Variants in GLIS3 observed in about 807,000 individuals in gnomAD.
The protein encoded by GLIS3 is zinc finger protein GLIS3.
In GLIS3, 53 loss-of-function variants were observed where a neutral mutation model predicts 78.6. That is an observed-to-expected ratio of 0.67 (90% CI 0.54 to 0.85). The LOEUF (loss-of-function observed/expected upper bound fraction) is 0.85. Ranked by LOEUF, GLIS3 falls within the 40% of genes least tolerant of loss-of-function variation. The pLI is 0.00. For synonymous variants in GLIS3, 684 were observed against 509.9 expected, an observed-to-expected ratio of 1.34 and a Z score of -4.60; for missense variants, 1,703 against 1,231.1, an observed-to-expected ratio of 1.38 and a Z score of -5.74.
intron 4 of GLIS3, among the ~76,000 whole-genome samples, chr9:4,027,909 G>A (rs1001750): frequency 0.13 from 19,749 of 152,116 alleles, 2,935 homozygotes; most frequent in African/African-American, 0.36. Flanking sequence ...GCTTTGTCCA[G>A]CTGAAGGCCA....
intron 2 of GLIS3, among the ~76,000 whole-genome samples, chr9:4,321,462 A>AAAAAAC (rs1183384954): frequency 7.2e-6 from 1 of 138,776 alleles, no homozygotes; most frequent in Non-Finnish European, 1.6e-5. Context: ...AAAAAAAAAA[A>AAAAAAC]ATCAGGTGCC....
At chr9:3,966,446 T>TTTTTTC (rs71497512) in intron 4 of GLIS3, among the ~76,000 whole-genome samples, 1 of 152,096 alleles carries the variant, frequency 6.6e-6, no homozygotes, top group Non-Finnish European at 1.5e-5. Context: ...CTTTTTTTTT[T>TTTTTTC]CAGATAATGC....
the GLIS3 span, among the ~76,000 whole-genome samples, chr9:4,387,137 A>C: frequency 1.3e-5 from 2 of 152,208 alleles, no homozygotes; most frequent in Middle Eastern, 3.2e-3. Context: ...ACGCTGTCAG[A>C]AATGTTTGTT....
At chr9:4,080,411 T>G (rs1469410389) in intron 4 of GLIS3, among the ~76,000 whole-genome samples, 1 of 152,102 alleles carries the variant, frequency 6.6e-6, no homozygotes, top group Non-Finnish European at 1.5e-5. Context: ...GATGCAGTAT[T>G]TAAAATAATC....
chr9:4,412,083 C>A, the GLIS3 span, among the ~76,000 whole-genome samples: 1 of 152,176 alleles, frequency 6.6e-6, no homozygotes, highest in Admixed American at 6.5e-5. Context: ...CATCTCTGTC[C>A]TCAGTGAGTT....
At chr9:3,997,817 T>C (rs998314229) in intron 4 of GLIS3, among the ~76,000 whole-genome samples, 2 of 152,122 alleles carry the variant, frequency 1.3e-5, no homozygotes, top group African/African-American at 4.8e-5. Context: ...GCTATGAGCA[T>C]TTCTATTCAG....
chr9:4,207,379 G>T (rs1586978339), intron 2 of GLIS3, among the ~76,000 whole-genome samples: 1 of 152,166 alleles, frequency 6.6e-6, no homozygotes, highest in Non-Finnish European at 1.5e-5. Flanking sequence ...ATAATCGCTG[G>T]TGATTTATGC....
chr9:4,006,320 A>C (rs913609636), intron 4 of GLIS3, among the ~76,000 whole-genome samples: 1 of 151,660 alleles, frequency 6.6e-6, no homozygotes, highest in Non-Finnish European at 1.5e-5. Context: ...AAAAAAAAAA[A>C]AAAAAAAAAC....
chr9:4,393,538 G>A, the GLIS3 span, among the ~76,000 whole-genome samples: 15 of 152,114 alleles, frequency 9.9e-5, no homozygotes, highest in East Asian at 2.3e-3. Flanking sequence ...ATCCCGTATC[G>A]CATTAGTTGT....
chr9:3,869,266 GGT>G (rs58818313), intron 8 of GLIS3, among the ~76,000 whole-genome samples: 6,237 of 151,212 alleles, frequency 0.041, 428 homozygotes, highest in African/African-American at 0.14. Flanking sequence ...AATTATCTAG[GGT>G]GTGTGTGTGT....
At chr9:4,076,152 T>C (rs1343840509) in intron 4 of GLIS3, among the ~76,000 whole-genome samples, 1 of 152,218 alleles carries the variant, frequency 6.6e-6, no homozygotes, top group Non-Finnish European at 1.5e-5. Flanking sequence ...AACAAGTTGA[T>C]TAAACAATAC....
chr9:4,359,409 G>A, the GLIS3 span, among the ~76,000 whole-genome samples: 1 of 152,152 alleles, frequency 6.6e-6, no homozygotes, highest in East Asian at 1.9e-4. Flanking sequence ...GCAAAGAGCA[G>A]GACAGGCTTC....
chr9:4,373,559 T>C, the GLIS3 span, among the ~76,000 whole-genome samples: 1 of 152,128 alleles, frequency 6.6e-6, no homozygotes, highest in African/African-American at 2.4e-5. Context: ...AATATTTAAA[T>C]ACGATGCAAA....
chr9:4,254,261 A>G (rs1824695206), intron 2 of GLIS3, among the ~76,000 whole-genome samples: 3 of 152,242 alleles, frequency 2.0e-5, no homozygotes, highest in South Asian at 2.1e-4. Flanking sequence ...ACGTGAGAAT[A>G]AAGAGTCCAT....
intron 2 of GLIS3, among the ~76,000 whole-genome samples, chr9:4,322,351 G>C (rs142861043): frequency 6.6e-6 from 1 of 152,090 alleles, no homozygotes; most frequent in African/African-American, 2.4e-5. Flanking sequence ...GTGTGCATGT[G>C]TCTTTATAGG....
intron 2 of GLIS3, among the ~76,000 whole-genome samples, chr9:4,234,841 A>C (rs1353045887): frequency 2.6e-5 from 4 of 152,354 alleles, no homozygotes; most frequent in Admixed American, 2.0e-4. Flanking sequence ...CAACTATTTC[A>C]GAAAATAGGT....
chr9:4,487,279 G>A, the GLIS3 span, among the ~76,000 whole-genome samples: 1 of 152,272 alleles, frequency 6.6e-6, no homozygotes, highest in East Asian at 1.9e-4. Flanking sequence ...AAAAGATGGT[G>A]TTAAGAGATG....
the GLIS3 span, among the ~76,000 whole-genome samples, chr9:4,364,469 T>G: frequency 0.017 from 2,588 of 152,226 alleles, 80 homozygotes; most frequent in African/African-American, 0.06. Context: ...GTTAAAGGAA[T>G]TGTATGCTAC....
intron 8 of GLIS3, among the ~76,000 whole-genome samples, chr9:3,870,869 C>T (rs974739102): frequency 3.3e-5 from 5 of 152,218 alleles, no homozygotes; most frequent in Non-Finnish European, 7.3e-5. Context: ...TAACAGTTCC[C>T]CAAAGTCTTA....
Sources: allele counts gnomAD v4.1 joint callset (sites outside exome capture counted in the v4.1 genomes callset), GRCh38; gene constraint gnomAD v4.1.1; transcripts MANE v1.5; gene names NCBI Gene and HGNC (gene_info 2026-07-23, HGNC 2026-07-21).